SLCO6A1: variants seen among roughly 807,000 people sequenced by gnomAD.
The protein encoded by SLCO6A1 is solute carrier organic anion transporter family member 6A1.
SLCO6A1 carries 65 observed loss-of-function variants against 72.7 expected under a neutral mutation model. The ratio of observed to expected loss-of-function variants is 0.89; its 90% CI spans 0.73 to 1.10. SLCO6A1 has a LOEUF of 1.10. Ranked by LOEUF, SLCO6A1 falls within the 50% of genes least tolerant of loss-of-function variation. SLCO6A1 has a pLI of 0.00. For missense variants in SLCO6A1, 874 were observed against 872.6 expected, an observed-to-expected ratio of 1.00 and a Z score of -0.02; for synonymous variants, 314 against 298.2, an observed-to-expected ratio of 1.05 and a Z score of -0.55.
At chr5:102,378,521 T>C (rs902701581) in intron 12 of SLCO6A1, among the ~76,000 whole-genome samples, 9 of 152,192 alleles carry the variant, frequency 5.9e-5, no homozygotes, top group African/African-American at 9.6e-5. Context: ...ACCCTACTTA[T>C]GATTCCTCAG....
intron 1 of SLCO6A1, among the ~76,000 whole-genome samples, chr5:102,489,489 ATCATCAGATCTATTTTTTTTAATGC>A (rs1265410053): frequency 1.3e-5 from 2 of 152,238 alleles, no homozygotes; most frequent in Non-Finnish European, 2.9e-5. Context: ...CATAAAAATG[ATCATCAGATCTATTTTTTTTAATGC>A]TCAACATCAC....
At chr5:102,494,010 G>A (rs928076263) in intron 1 of SLCO6A1, among the ~76,000 whole-genome samples, 6 of 152,094 alleles carry the variant, frequency 3.9e-5, no homozygotes, top group Admixed American at 2.0e-4. Flanking sequence ...GAACGAAGTC[G>A]AAAGGATACC....
chr5:102,446,135 G>A (rs1269149149), intron 6 of SLCO6A1, among the ~76,000 whole-genome samples: 4 of 152,172 alleles, frequency 2.6e-5, no homozygotes, highest in African/African-American at 9.7e-5. Context: ...CATTAGGATA[G>A]TATTAAATCT....
intron 9 of SLCO6A1, among the ~76,000 whole-genome samples, chr5:102,409,329 T>A (rs999861410): frequency 6.6e-6 from 1 of 152,190 alleles, no homozygotes; most frequent in Non-Finnish European, 1.5e-5. Flanking sequence ...ATGTTGGCCC[T>A]GATCATATTT....
chr5:102,439,206 T>TA (rs1339197292), intron 6 of SLCO6A1, among the ~76,000 whole-genome samples: 2 of 152,016 alleles, frequency 1.3e-5, no homozygotes, highest in African/African-American at 4.8e-5. Context: ...GAAAAACCAG[T>TA]AGGACTGCAG....
intron 1 of SLCO6A1, among the ~76,000 whole-genome samples, chr5:102,490,303 T>G (rs940944268): frequency 4.6e-5 from 7 of 152,264 alleles, no homozygotes; most frequent in Non-Finnish European, 8.8e-5. Context: ...TTGCTAATTA[T>G]ACTGATTTGA....
intron 9 of SLCO6A1, among the ~76,000 whole-genome samples, chr5:102,402,799 C>T (rs1167049681): frequency 2.0e-5 from 3 of 152,184 alleles, no homozygotes; most frequent in Non-Finnish European, 4.4e-5. Context: ...AATGACATTA[C>T]ATTTCAATGA....
In SLCO6A1 at chr5:102,477,794, G is replaced by A. The variant is rs1751984671; in HGVS notation, c.684C>T (p.Tyr228=). ...QSSGISFQSK[Y]LSFFILGQTV... ...TCTGCCCAAGGATGAAGAAAGACAG[G>A]TATTTTGATTGGAATGATATACCAC... Residue 228 remains tyrosine (Y), a synonymous_variant, in exon 3 of 14, where the codon TAC becomes TAT. Transcript: ENST00000506729. The A allele has an allele frequency of 1.9e-6, 3 of 1,613,470 alleles. No individual in the cohort carries two copies. Among genetic ancestry groups the A allele is most frequent in the Non-Finnish European group, 2.5e-6 (3 of 1,179,686 alleles).
intron 4 of SLCO6A1, among the ~76,000 whole-genome samples, chr5:102,460,019 T>C (rs1750943988): frequency 6.6e-6 from 1 of 152,172 alleles, no homozygotes; most frequent in African/African-American, 2.4e-5. Context: ...TTTCCTTCTT[T>C]TTCTTGGCAC....
chr5:102,420,535 T>TC (rs1748537426), intron 7 of SLCO6A1, among the ~76,000 whole-genome samples: 1 of 151,684 alleles, frequency 6.6e-6, no homozygotes, highest in Admixed American at 6.6e-5. Flanking sequence ...TTGTTTTCTA[T>TC]CCAAGAGTAA....
intron 6 of SLCO6A1, among the ~76,000 whole-genome samples, chr5:102,450,757 G>C (rs1241776277): frequency 6.6e-6 from 1 of 152,148 alleles, no homozygotes; most frequent in Non-Finnish European, 1.5e-5. Context: ...ATTAGCCCAG[G>C]GTGAAGCACC....
At chr5:102,481,717 A>G (rs1454862463) in intron 1 of SLCO6A1, among the ~76,000 whole-genome samples, 1 of 152,216 alleles carries the variant, frequency 6.6e-6, no homozygotes, top group African/African-American at 2.4e-5. Context: ...AATGTATCAC[A>G]ATTATCATTT....
chr5:102,389,910 T>C (rs1288312704), intron 11 of SLCO6A1, among the ~76,000 whole-genome samples: 2 of 152,138 alleles, frequency 1.3e-5, no homozygotes, highest in East Asian at 3.9e-4. Context: ...AAACTGTTAT[T>C]ATTATTATTT....
chr5:102,388,498 C>T (rs1314291121), intron 12 of SLCO6A1, among the ~76,000 whole-genome samples, 190 bp downstream of exon 12: 5 of 151,986 alleles, frequency 3.3e-5, no homozygotes, highest in African/African-American at 9.7e-5. Flanking sequence ...ACACCATACT[C>T]GGCTATTTTT....
chr5:102,401,150 G>C (rs1033810463), intron 9 of SLCO6A1, among the ~76,000 whole-genome samples: 1 of 151,992 alleles, frequency 6.6e-6, no homozygotes, highest in Non-Finnish European at 1.5e-5. Flanking sequence ...AGGTAAGTGA[G>C]TGGACCACAT....
chr5:102,456,264 G>T (rs1359111791), intron 6 of SLCO6A1, among the ~76,000 whole-genome samples: 3 of 152,166 alleles, frequency 2.0e-5, no homozygotes, highest in Non-Finnish European at 4.4e-5. Flanking sequence ...AGGGCAATCA[G>T]GTAGGAGAAT....
intron 12 of SLCO6A1, among the ~76,000 whole-genome samples, chr5:102,385,175 T>C (rs1265832657): frequency 6.6e-6 from 1 of 152,174 alleles, no homozygotes; most frequent in Non-Finnish European, 1.5e-5. Flanking sequence ...CTGCTCCTAG[T>C]CTTATAGAGG....
At chr5:102,425,140 A>T (rs1748821196) in intron 7 of SLCO6A1, among the ~76,000 whole-genome samples, 1 of 152,216 alleles carries the variant, frequency 6.6e-6, no homozygotes, top group Admixed American at 6.5e-5. Context: ...AGAGCTATTT[A>T]TGATAAACCC....
intron 9 of SLCO6A1, among the ~76,000 whole-genome samples, chr5:102,406,087 C>T (rs1208480120): frequency 3.3e-5 from 5 of 151,890 alleles, no homozygotes; most frequent in Non-Finnish European, 5.9e-5. Context: ...AAAGTGTATT[C>T]AATTCCAATA....
Sources: gnomAD v4.1 joint callset for allele counts (sites outside exome capture counted in the v4.1 genomes callset) on GRCh38, gnomAD v4.1.1 for gene constraint, MANE v1.5 for transcripts, NCBI Gene and HGNC (gene_info 2026-07-23, HGNC 2026-07-21) for gene names.